The following NLGN1 variants were observed in gnomAD, a reference collection of about 807,000 sequenced individuals.
The protein encoded by NLGN1 is neuroligin 1.
A neutral mutation model predicts 65.5 loss-of-function variants in NLGN1; 12 were observed. The ratio of observed to expected loss-of-function variants is 0.18; its 90% CI spans 0.12 to 0.30. The LOEUF is 0.30. NLGN1 is among the 10% of genes least tolerant of loss of function. NLGN1 has a pLI of 1.00. For synonymous variants in NLGN1, 350 were observed against 359.5 expected, an observed-to-expected ratio of 0.97 and a Z score of 0.30; for missense variants, 750 against 1,007.1, an observed-to-expected ratio of 0.74 and a Z score of 3.46.
chr3:174,189,367 G>A (rs1488897450), intron 4 of NLGN1, among the ~76,000 whole-genome samples: 2 of 151,892 alleles, frequency 1.3e-5, no homozygotes, highest in Non-Finnish European at 2.9e-5. Flanking sequence ...AACATCTTAA[G>A]TTACTCATCA....
intron 4 of NLGN1, among the ~76,000 whole-genome samples, chr3:174,141,795 G>A (rs1722333423): frequency 6.6e-6 from 1 of 152,076 alleles, no homozygotes; most frequent in South Asian, 2.1e-4. Flanking sequence ...GGTCATTTCA[G>A]GTAATTGTAA....
At chr3:173,927,791 A>G (rs780375178) in intron 4 of NLGN1, among the ~76,000 whole-genome samples, 52 of 152,146 alleles carry the variant, frequency 3.4e-4, no homozygotes, top group Admixed American at 9.8e-4. Flanking sequence ...ACATTCACAA[A>G]CAGGTATGCT....
At chr3:173,723,732 G>A (rs1560239185) in intron 3 of NLGN1, among the ~76,000 whole-genome samples, 1 of 152,164 alleles carries the variant, frequency 6.6e-6, no homozygotes, top group Non-Finnish European at 1.5e-5. Context: ...GAAGGGTGTT[G>A]AGAGAAGAAG....
At chr3:173,695,182 C>A (rs1766029854) in intron 3 of NLGN1, among the ~76,000 whole-genome samples, 1 of 151,936 alleles carries the variant, frequency 6.6e-6, no homozygotes, top group Admixed American at 6.6e-5. Flanking sequence ...AATACTTTTT[C>A]AAGAGAAAAA....
At chr3:173,964,100 C>T (rs1714259049) in intron 4 of NLGN1, among the ~76,000 whole-genome samples, 1 of 152,088 alleles carries the variant, frequency 6.6e-6, no homozygotes, top group Non-Finnish European at 1.5e-5. Flanking sequence ...CAAGAGAAGA[C>T]TTTTATTAAG....
At chr3:174,197,310 G>C (rs890913051) in intron 4 of NLGN1, among the ~76,000 whole-genome samples, 1 of 151,854 alleles carries the variant, frequency 6.6e-6, no homozygotes, top group Admixed American at 6.6e-5. Context: ...TTACAGGAAG[G>C]CTACAGAACC....
chr3:174,102,036 A>T (rs1305333114), intron 4 of NLGN1, among the ~76,000 whole-genome samples: 1 of 152,190 alleles, frequency 6.6e-6, no homozygotes, highest in Non-Finnish European at 1.5e-5. Flanking sequence ...TCAAATAATA[A>T]ATATGTTAAT....
chr3:174,104,679 A>G (rs1713327459), intron 4 of NLGN1, among the ~76,000 whole-genome samples: 1 of 152,228 alleles, frequency 6.6e-6, no homozygotes, highest in Non-Finnish European at 1.5e-5. Flanking sequence ...GAGACAAAAA[A>G]GAGCTTCAGA....
chr3:173,632,849 GTTTT>G lies in NLGN1; in HGVS notation c.493+27773_493+27776del, dbSNP rs5854526. 3.4e-3 allele frequency among the ~76,000 whole-genome samples: 400 copies of G among 116,412 alleles called. 1 individual carries two copies. Among genetic ancestry groups the G allele is most frequent in the African/African-American group, 0.011 (382 of 33,256 alleles). The allele number at this position is 116,412 out of a possible 152,430, so 76.4% of individuals were successfully genotyped here. ...CTCCTTGAGTAGTGTTTTTTTTTTT[GTTTT>G]TTTTTTTTTTTTTTAATAGTTGTCT... On this transcript the variant is annotated intron_variant, in intron 3 of 6. Coordinates refer to ENST00000457714, the Ensembl canonical transcript of NLGN1.
chr3:174,045,471 G>C (rs1400191272), intron 4 of NLGN1, among the ~76,000 whole-genome samples: 1 of 152,050 alleles, frequency 6.6e-6, no homozygotes, highest in African/African-American at 2.4e-5. Context: ...CTTCCCAGGA[G>C]GCCTCTCCTG....
At chr3:173,738,387 T>G (rs528471574) in intron 3 of NLGN1, among the ~76,000 whole-genome samples, 9 of 152,170 alleles carry the variant, frequency 5.9e-5, no homozygotes, top group Non-Finnish European at 7.4e-5. Context: ...GTCTTCTCAT[T>G]TAGGTTCATA....
intron 4 of NLGN1, among the ~76,000 whole-genome samples, chr3:174,068,878 G>A (rs990069896): frequency 5.3e-5 from 8 of 152,112 alleles, no homozygotes; most frequent in Non-Finnish European, 8.8e-5. Context: ...AATAGCAAGC[G>A]TATTCTACAT....
intron 2 of NLGN1, among the ~76,000 whole-genome samples, chr3:173,599,842 T>G (rs1750135887): frequency 6.6e-6 from 1 of 152,150 alleles, no homozygotes; most frequent in African/African-American, 2.4e-5. Flanking sequence ...TCCACAGACA[T>G]GAGCAAAGCA....
At chr3:173,615,019 G>A (rs891267859) in intron 3 of NLGN1, among the ~76,000 whole-genome samples, 2 of 152,130 alleles carry the variant, frequency 1.3e-5, no homozygotes, top group African/African-American at 4.8e-5. Flanking sequence ...TGAAAGGCCA[G>A]AGATGAGTTG....
intron 2 of NLGN1, among the ~76,000 whole-genome samples, chr3:173,586,255 G>T (rs1747419351): frequency 6.6e-6 from 1 of 152,084 alleles, no homozygotes; most frequent in Non-Finnish European, 1.5e-5. Flanking sequence ...TAGAATAAAA[G>T]TGTTACCTTT....
At chr3:173,712,608 C>T (rs995445976) in intron 3 of NLGN1, among the ~76,000 whole-genome samples, 13 of 152,052 alleles carry the variant, frequency 8.5e-5, no homozygotes, top group Non-Finnish European at 2.9e-5. Flanking sequence ...CTAGGGGCCT[C>T]ATTAATATTA....
chr3:173,712,265 A>G (rs111814352), intron 3 of NLGN1, among the ~76,000 whole-genome samples: 73 of 152,304 alleles, frequency 4.8e-4, no homozygotes, highest in African/African-American at 1.7e-3. Context: ...CCAGATAAGG[A>G]TACCAAAACT....
intron 2 of NLGN1, among the ~76,000 whole-genome samples, chr3:173,566,036 G>A (rs1743600891): frequency 6.6e-6 from 1 of 152,180 alleles, no homozygotes; most frequent in Non-Finnish European, 1.5e-5. Flanking sequence ...AGAGAAAGAA[G>A]GGATGAGCAT....
chr3:174,256,200 T>A (rs1252843776), intron 4 of NLGN1, among the ~76,000 whole-genome samples: 4 of 152,138 alleles, frequency 2.6e-5, no homozygotes, highest in Non-Finnish European at 5.9e-5. Flanking sequence ...AAGCTAGGTG[T>A]CAGGAACACA....
Sources: allele counts gnomAD v4.1 joint callset (sites outside exome capture counted in the v4.1 genomes callset), GRCh38; gene constraint gnomAD v4.1.1; transcripts MANE v1.5; gene names NCBI Gene and HGNC (gene_info 2026-07-23, HGNC 2026-07-21).